The following EPHA4 variants were observed in gnomAD, a reference collection of about 807,000 sequenced individuals.
The protein encoded by EPHA4 is ephrin type-A receptor 4.
In EPHA4, 19 loss-of-function variants were observed where a neutral mutation model predicts 108.3. The observed-to-expected ratio is 0.18, with a 90% CI of 0.12 to 0.26. The LOEUF is 0.26. EPHA4 is among the 10% of genes least tolerant of loss of function. EPHA4 has a pLI of 1.00. For synonymous variants in EPHA4, 449 were observed against 455.5 expected (o/e 0.99, Z 0.18); for missense variants, 917 against 1,254.0 (o/e 0.73, Z 4.06).
intron 4 of EPHA4, among the ~76,000 whole-genome samples, chr2:221,488,588 G>A (rs943683946): frequency 3.3e-5 from 5 of 152,164 alleles, no homozygotes; most frequent in Admixed American, 6.5e-5. Context: ...GCTACAATGG[G>A]TAATTATTAT....
chr2:221,455,462 G>T (rs1690915943), intron 8 of EPHA4, 85 bp downstream of exon 8: 4 of 1,055,974 alleles, frequency 3.8e-6, no homozygotes, highest in Non-Finnish European at 5.8e-6. Flanking sequence ...GCAATCAAAA[G>T]CCTTAGCTTT....
chr2:221,535,950 C>T (rs760319716), intron 3 of EPHA4, among the ~76,000 whole-genome samples: 2 of 152,206 alleles, frequency 1.3e-5, no homozygotes, highest in Admixed American at 1.3e-4. Context: ...AACTCAGCTC[C>T]ACCTACCTAC....
rs1449675153 is a variant in EPHA4 at position 221,418,869 on chromosome 2, A to G, written c.*2503T>C. ...AAGAGTCAACCTCATTTCTTTATAC[A>G]TATTTTTCAGGCATCAATGCATAGG... On this transcript the variant is annotated 3_prime_UTR_variant, in exon 18 of 18. Transcript: ENST00000281821. The G allele has an allele frequency of 6.6e-6, 1 of 152,610 alleles. No homozygotes were observed. The highest frequency in any genetic ancestry group is 1.5e-5 in the Non-Finnish European group (1 of 68,040). 9.5% of individuals were successfully genotyped at this position (152,610 alleles called of 1,614,324 possible).
At chr2:221,424,140 AT>A (rs34786402) in intron 17 of EPHA4, among the ~76,000 whole-genome samples, 35,132 of 146,970 alleles carry the variant, frequency 0.24, 4,389 homozygotes, top group South Asian at 0.29. Flanking sequence ...AATAATAATA[AT>A]TTTTTTTTTT....
rs1689650067 is a variant in EPHA4, at chr2:221,418,589, A to C, written c.*2783T>G. 1 of 152,648 alleles carries C rather than the reference A, an allele frequency of 6.6e-6. No individual in the cohort carries two copies. Among genetic ancestry groups the C allele is most frequent in the South Asian group, 2.1e-4 (1 of 4,824 alleles). 9.5% of individuals were successfully genotyped at this position (152,648 alleles called of 1,614,324 possible). On this transcript the variant is annotated 3_prime_UTR_variant, in exon 18 of 18. Transcript: ENST00000281821. ...ACACACCAGCAGTGTAGCGAGCACA[A>C]CCTTTCTTTAAAATAAGAACGTTTT...
At chr2:221,488,502 TAC>T (rs1692042938) in intron 4 of EPHA4, among the ~76,000 whole-genome samples, 1 of 152,198 alleles carries the variant, frequency 6.6e-6, no homozygotes, top group East Asian at 1.9e-4. Flanking sequence ...CCATTATAGA[TAC>T]ATTTAATGAA....
intron 3 of EPHA4, among the ~76,000 whole-genome samples, chr2:221,534,212 T>C (rs746367358): frequency 3.3e-5 from 5 of 152,076 alleles, no homozygotes; most frequent in African/African-American, 7.2e-5. Flanking sequence ...ATAAAGCATA[T>C]CTTGTTTACT....
At chr2:221,458,846 A>G (rs1691046011) in intron 5 of EPHA4, among the ~76,000 whole-genome samples, 1 of 152,190 alleles carries the variant, frequency 6.6e-6, no homozygotes, top group Non-Finnish European at 1.5e-5. Context: ...ATCTCCAGGG[A>G]GAAGAGAAAG....
chr2:221,430,139 T>C lies in EPHA4; in HGVS notation c.2509A>G (p.Ile837Val), dbSNP rs1690029328. 6.2e-7 allele frequency: 1 copy of C among 1,608,196 alleles called. No individual in the cohort carries two copies. The highest frequency in any genetic ancestry group is 8.5e-7 in the Non-Finnish European group (1 of 1,177,992). ...GGGGGTAACCGATAGCCTTCCTCAATGGCTTTAATCACCTATGGAAGACAA... is the reference window on the plus strand; with the variant it reads ...GGGGGTAACCGATAGCCTTCCTCAACGGCTTTAATCACCTATGGAAGACAA... ...DMSNQDVIKA[I>V]EEGYRLPPPM... The change falls in exon 15 of 18, where the codon ATT becomes GTT. Residue 837 changes from isoleucine to valine, a missense_variant. By Grantham distance (29) the Ile-to-Val change is conservative. This residue lies in a region of EPHA4 where 758 missense variants were observed against 1,076.7 expected (regional missense o/e 0.70). Coordinates refer to ENST00000281821, the MANE Select transcript of EPHA4 (RefSeq NM_004438.5).
intron 5 of EPHA4, among the ~76,000 whole-genome samples, chr2:221,473,572 A>AAC (rs1366750006): frequency 2.0e-5 from 3 of 151,256 alleles, no homozygotes; most frequent in Admixed American, 6.6e-5. Flanking sequence ...AAAAAAAAAA[A>AAC]AACTATTTAA....
rs115386423 is a variant in EPHA4, at chr2:221,459,308, A to C, written c.1319-1318T>G. ...CAGGCGCACACACACACACACACAC[A>C]CCCCTCTATTTTTTTTTCCTCTCTC... On this transcript the variant is annotated intron_variant, in intron 5 of 17. Coordinates refer to ENST00000281821, the MANE Select transcript of EPHA4 (RefSeq NM_004438.5). Among the ~76,000 whole-genome samples, 901 of 91,500 alleles carry C rather than the reference A, an allele frequency of 9.8e-3. 9 individuals are homozygous for C. The highest frequency in any genetic ancestry group is 0.026 in the African/African-American group (852 of 32,328). The allele number at this position is 91,500 out of a possible 152,430, so 60.0% of individuals were successfully genotyped here.
intron 2 of EPHA4, among the ~76,000 whole-genome samples, 182 bp from the exon 3 acceptor site, chr2:221,564,576 G>GTT (rs144228279): frequency 6.0e-5 from 9 of 149,458 alleles, no homozygotes; most frequent in Admixed American, 2.7e-4. Context: ...TATTGAGGAA[G>GTT]TTTTTTTTTT....
chr2:221,430,794 T>TA (rs1559236521), intron 14 of EPHA4, among the ~76,000 whole-genome samples: 3 of 151,886 alleles, frequency 2.0e-5, no homozygotes, highest in South Asian at 2.1e-4. Flanking sequence ...AGATTTTTTT[T>TA]AAAAAAGTAA....
At chr2:221,563,692 T>C (rs1178832384) in intron 3 of EPHA4, 39 bp downstream of exon 3, 1 of 1,600,588 alleles carries the variant, frequency 6.2e-7, no homozygotes, top group Non-Finnish European at 8.5e-7. Context: ...TTACTCGCAC[T>C]AAGCCCCAGT....
chr2:221,549,245 C>G (rs1189285479), intron 3 of EPHA4, among the ~76,000 whole-genome samples: 1 of 152,224 alleles, frequency 6.6e-6, no homozygotes, highest in Non-Finnish European at 1.5e-5. Context: ...TGTTTGTCCT[C>G]TGGTCTTCAT....
At chr2:221,471,088 T>C (rs542613971) in intron 5 of EPHA4, among the ~76,000 whole-genome samples, 5 of 152,288 alleles carry the variant, frequency 3.3e-5, no homozygotes, top group Middle Eastern at 6.8e-3. Context: ...AGCTATTAAA[T>C]TTTAAAATGT....
At chr2:221,531,169 C>G (rs982120656) in intron 3 of EPHA4, among the ~76,000 whole-genome samples, 3 of 152,090 alleles carry the variant, frequency 2.0e-5, no homozygotes, top group Non-Finnish European at 4.4e-5. Flanking sequence ...AGTATTGAAA[C>G]TGCAGAATTA....
Position 221,426,606 on chromosome 2 carries a change from A to G in EPHA4, c.2704T>C (p.Leu902=). Residue 902 remains leucine (L), a synonymous_variant, in exon 16 of 18, where the codon TTG becomes CTG. Coordinates refer to ENST00000281821, the MANE Select transcript of EPHA4 (RefSeq NM_004438.5). The part of the protein sequence containing the change: ...GTESSRPNTA[L]LDPSSPEFSA... ...AATTCAGGGGAGCTTGGATCCAACA[A>G]GGCAGTGTTAGGTCTAGAAAGAGAA... The G allele has an allele frequency of 1.2e-6, 2 of 1,613,500 alleles. No individual in the cohort carries two copies. The highest frequency in any genetic ancestry group is 1.7e-6 in the Non-Finnish European group (2 of 1,179,886).
At chr2:221,538,107 T>A (rs2106188511) in intron 3 of EPHA4, among the ~76,000 whole-genome samples, 1 of 152,304 alleles carries the variant, frequency 6.6e-6, no homozygotes, top group Non-Finnish European at 1.5e-5. Flanking sequence ...AGTAATTTAT[T>A]GAATTGAACG....
Sources: gnomAD v4.1 joint callset for allele counts (sites outside exome capture counted in the v4.1 genomes callset) on GRCh38, gnomAD v4.1.1 for gene constraint, gnomAD v4.1.1 regional missense constraint, MANE v1.5 for transcripts, NCBI Gene and HGNC (gene_info 2026-07-23, HGNC 2026-07-21) for gene names.